LGR5: variants seen among roughly 807,000 people sequenced by gnomAD.
LGR5 encodes the protein leucine-rich repeat-containing G protein-coupled receptor 5.
Under a neutral mutation model 76.7 loss-of-function variants are expected in LGR5, and 54 were observed. That is an observed-to-expected ratio of 0.70 (90% CI 0.57 to 0.88). The LOEUF is 0.88. Among genes scored for constraint, LGR5 ranks in the 40% least tolerant of loss-of-function variants. The pLI is 0.00. For synonymous variants in LGR5, 406 were observed against 421.9 expected (o/e 0.96, Z 0.46); for missense variants, 1,078 against 1,073.3 (o/e 1.00, Z -0.06).
At position 71,440,051 on chromosome 12, in the gene LGR5, T is replaced by C; in HGVS notation, c.-30T>C. The C allele has an allele frequency of 6.3e-7, 1 of 1,594,836 alleles. No homozygotes were observed. Among genetic ancestry groups the C allele is most frequent in the East Asian group, 2.2e-5 (1 of 44,786 alleles). Reference sequence around the variant, plus strand: ...AGTCCGGTGCTGCTCTCCGCCCGCGTCCGGCTCGTGGCCCCCTACTTCGGG... The same window carrying C: ...AGTCCGGTGCTGCTCTCCGCCCGCGCCCGGCTCGTGGCCCCCTACTTCGGG... On this transcript the variant is annotated 5_prime_UTR_variant, in exon 1 of 18. Transcript: ENST00000266674. The surrounding 1 kb of genome is among the most constrained non-coding windows in gnomAD (Gnocchi z 5.3).
At chr12:71,530,655 C>G (rs12370652) in intron 3 of LGR5, among the ~76,000 whole-genome samples, 2 of 152,190 alleles carry the variant, frequency 1.3e-5, no homozygotes, top group African/African-American at 2.4e-5. Flanking sequence ...ATACCCAGTC[C>G]GTGGAATTCT....
intron 2 of LGR5, among the ~76,000 whole-genome samples, chr12:71,514,087 AAAC>A (rs758113761): frequency 2.6e-5 from 4 of 152,146 alleles, no homozygotes; most frequent in South Asian, 2.1e-4. Context: ...GGATCTTAAA[AAAC>A]AACAACAACA....
At chr12:71,513,504 T>C (rs1305632089) in intron 2 of LGR5, among the ~76,000 whole-genome samples, 1 of 152,174 alleles carries the variant, frequency 6.6e-6, no homozygotes, top group East Asian at 1.9e-4. Context: ...AATGCTATAT[T>C]TGAACCAAAC....
At chr12:71,505,804 G>A (rs1306142514) in intron 2 of LGR5, among the ~76,000 whole-genome samples, 1 of 152,154 alleles carries the variant, frequency 6.6e-6, no homozygotes, top group Non-Finnish European at 1.5e-5. Context: ...GGTATCAAGG[G>A]TTATGGTAGG....
intron 1 of LGR5, among the ~76,000 whole-genome samples, chr12:71,449,140 A>G (rs1308274575): frequency 6.6e-6 from 1 of 152,198 alleles, no homozygotes; most frequent in Non-Finnish European, 1.5e-5. Flanking sequence ...TCAAGATAGT[A>G]TCAGAGAACT....
intron 4 of LGR5, 27 bp from the exon 5 acceptor site, chr12:71,553,040 CTCTTTT>C (rs987811819): frequency 6.2e-7 from 1 of 1,601,148 alleles, no homozygotes; most frequent in African/African-American, 1.3e-5. Context: ...GGGCTTTGCT[CTCTTTT>C]CCATTCTTGC....
chr12:71,580,468 TG>T, intron 16 of LGR5, 45 bp downstream of exon 16: 3 of 1,544,794 alleles, frequency 1.9e-6, no homozygotes, highest in Non-Finnish European at 2.7e-6. Flanking sequence ...TTGTGTTCAG[TG>T]GAACACATGG....
intron 3 of LGR5, among the ~76,000 whole-genome samples, chr12:71,525,044 C>T (rs1177578376): frequency 6.6e-6 from 1 of 152,072 alleles, no homozygotes. Flanking sequence ...ATTTGTTTAT[C>T]AGAAAAATCA....
At position 71,504,658 on chromosome 12, in the gene LGR5, T is replaced by A; in HGVS notation, c.257T>A (p.Leu86Gln). The A allele has an allele frequency of 6.2e-7, 1 of 1,614,070 alleles. No homozygotes were observed. Among genetic ancestry groups the A allele is most frequent in the South Asian group, 1.1e-5 (1 of 91,076 alleles). ...NNISQLLPNP[L>Q]PSLRFLEELR... ...ATCAGTCAGCTGCTCCCGAATCCCCTGCCCAGTCTCCGCTTCCTGGAGGAG... is the reference window on the plus strand; with the variant it reads ...ATCAGTCAGCTGCTCCCGAATCCCCAGCCCAGTCTCCGCTTCCTGGAGGAG... Residue 86 changes from leucine (L) to glutamine (Q), a missense_variant, in exon 2 of 18, where the codon CTG (leucine) becomes CAG (glutamine). Physicochemically the swap from Leu to Gln is moderately radical, Grantham distance 113 (BLOSUM62 -2). Transcript: ENST00000266674.
chr12:71,532,490 T>C (rs535754881), intron 3 of LGR5, among the ~76,000 whole-genome samples: 1 of 152,236 alleles, frequency 6.6e-6, no homozygotes, highest in Admixed American at 6.5e-5. Context: ...AGTAGAACTA[T>C]TGTAATACAA....
At chr12:71,549,005 T>C (rs879456520) in intron 4 of LGR5, among the ~76,000 whole-genome samples, 1 of 152,244 alleles carries the variant, frequency 6.6e-6, no homozygotes, top group Non-Finnish European at 1.5e-5. Flanking sequence ...GTTTATCTTA[T>C]ACCCGACTGT....
At chr12:71,458,962 C>G (rs1872590436) in intron 1 of LGR5, among the ~76,000 whole-genome samples, 1 of 151,804 alleles carries the variant, frequency 6.6e-6, no homozygotes, top group African/African-American at 2.4e-5. Flanking sequence ...TAATCTGAAA[C>G]TTGGAGGATG....
intron 4 of LGR5, among the ~76,000 whole-genome samples, chr12:71,551,945 A>G (rs764750382): frequency 6.6e-5 from 10 of 152,176 alleles, no homozygotes; most frequent in Non-Finnish European, 1.3e-4. Context: ...CAGGCCTTTC[A>G]GTGTTGTCCT....
chr12:71,471,617 A>G (rs892304825), intron 1 of LGR5, among the ~76,000 whole-genome samples: 1 of 151,864 alleles, frequency 6.6e-6, no homozygotes, highest in Admixed American at 6.5e-5. Flanking sequence ...TGGTATATGA[A>G]TTATAGCTCA....
intron 2 of LGR5, among the ~76,000 whole-genome samples, chr12:71,518,891 G>A (rs1266729315): frequency 6.6e-6 from 1 of 152,156 alleles, no homozygotes; most frequent in African/African-American, 2.4e-5. Flanking sequence ...TACTAGGCTT[G>A]ATACCTGGGT....
At chr12:71,534,611 A>G (rs1032936590) in intron 3 of LGR5, among the ~76,000 whole-genome samples, 2 of 152,182 alleles carry the variant, frequency 1.3e-5, no homozygotes, top group African/African-American at 4.8e-5. Context: ...CCTCCATGAG[A>G]TGGTCTCAGG....
At chr12:71,568,374 C>T (rs1367086597) in intron 11 of LGR5, among the ~76,000 whole-genome samples, 2 of 152,158 alleles carry the variant, frequency 1.3e-5, no homozygotes, top group East Asian at 1.9e-4. Context: ...TAGCCACTTC[C>T]TTCAGAGGGT....
chr12:71,490,353 G>C (rs959720023), intron 1 of LGR5, among the ~76,000 whole-genome samples: 1 of 152,062 alleles, frequency 6.6e-6, no homozygotes, highest in African/African-American at 2.4e-5. Context: ...ATTAATTCAG[G>C]ACTATCTAAT....
At chr12:71,577,680 G>T (rs564941460) in intron 13 of LGR5, among the ~76,000 whole-genome samples, 3 of 152,282 alleles carry the variant, frequency 2.0e-5, no homozygotes, top group Admixed American at 6.5e-5. Flanking sequence ...CTTTTAGCAA[G>T]AGTAAAACCA....
Sources: gnomAD v4.1 joint callset for allele counts (sites outside exome capture counted in the v4.1 genomes callset) on GRCh38, gnomAD v4.1.1 for gene constraint, Gnocchi (gnomAD v3.1) non-coding constraint, MANE v1.5 for transcripts, NCBI Gene and HGNC (gene_info 2026-07-23, HGNC 2026-07-21) for gene names.